The following TENM4 variants were observed in gnomAD, a reference collection of about 807,000 sequenced individuals.
TENM4 encodes teneurin transmembrane protein 4, also known as teneurin-4.
Under a neutral mutation model 243.3 loss-of-function variants are expected in TENM4, and 82 were observed. The observed-to-expected ratio is 0.34, with a 90% CI of 0.28 to 0.40. The LOEUF (loss-of-function observed/expected upper bound fraction) is 0.40. TENM4 is among the 10% of genes least tolerant of loss of function. The pLI is 1.00. For synonymous variants in TENM4, 1,412 were observed against 1,456.3 expected, an observed-to-expected ratio of 0.97 and a Z score of 0.69; for missense variants, 3,138 against 3,673.3, an observed-to-expected ratio of 0.85 and a Z score of 3.77.
At chr11:79,308,350 A>T (rs2135409076) in intron 1 of TENM4, among the ~76,000 whole-genome samples, 1 of 152,316 alleles carries the variant, frequency 6.6e-6, no homozygotes, top group African/African-American at 2.4e-5. Context: ...AGACAGTTAG[A>T]TTTTTCTTCC....
chr11:79,250,452 G>A (rs565710515), intron 2 of TENM4, among the ~76,000 whole-genome samples: 1 of 152,344 alleles, frequency 6.6e-6, no homozygotes, highest in African/African-American at 2.4e-5. Context: ...TCCTGCACCT[G>A]GGAATGATTA....
At chr11:78,745,474 C>T (rs1439085077) in intron 19 of TENM4, among the ~76,000 whole-genome samples, 1 of 151,930 alleles carries the variant, frequency 6.6e-6, no homozygotes, top group Non-Finnish European at 1.5e-5. Flanking sequence ...AAGTGACCCA[C>T]CTGCCTTGGC....
intron 2 of TENM4, among the ~76,000 whole-genome samples, chr11:79,290,908 T>C (rs770728625): frequency 6.6e-6 from 1 of 152,174 alleles, no homozygotes; most frequent in Non-Finnish European, 1.5e-5. Flanking sequence ...ATCCTGCTCA[T>C]TTAGAGCTGT....
In TENM4 at chr11:78,652,922, G is replaced by C. The variant is rs1429194249; in HGVS notation, c.*5136C>G. 6.6e-6 allele frequency: 1 copy of C among 152,240 alleles called. No homozygotes were observed. The highest frequency in any genetic ancestry group is 1.5e-5 in the Non-Finnish European group (1 of 68,042). The allele number at this position is 152,240 out of a possible 1,614,324, so 9.4% of individuals were successfully genotyped here. On this transcript the variant is annotated 3_prime_UTR_variant, in exon 34 of 34. Coordinates refer to ENST00000278550, the MANE Select transcript of TENM4 (RefSeq NM_001098816.3). ...TGGTGGATGACTCTGTGTGCCCAGT[G>C]GTGGAGCAAGGCTCCCTCCTCTGGG...
chr11:79,107,461 C>T (rs1464796493), intron 4 of TENM4, among the ~76,000 whole-genome samples: 1 of 152,182 alleles, frequency 6.6e-6, no homozygotes, highest in African/African-American at 2.4e-5. Flanking sequence ...GAAATATTTT[C>T]CTTCCTTGTC....
chr11:78,854,190 T>C lies in TENM4; in HGVS notation c.1595A>G (p.Gln532Arg). The change falls in exon 12 of 34, where the codon CAG (glutamine) becomes CGG (arginine). Residue 532 changes from glutamine (Q) to arginine (R), a missense_variant. By Grantham distance (43) the Gln-to-Arg change is conservative (BLOSUM62 1). Coordinates refer to ENST00000278550, the MANE Select transcript of TENM4 (RefSeq NM_001098816.3). ...GTGCCAGATTCCTGAATCCAAATAC[T>C]GGATGAAGCCTGTCTCATGGCTGGA... ...PPSSHETGFI[Q>R]YLDSGIWHLA... 2 of 1,551,694 alleles carry C rather than the reference T, an allele frequency of 1.3e-6. No homozygotes were observed. The highest frequency in any genetic ancestry group is 8.7e-7 in the Non-Finnish European group (1 of 1,146,974).
At chr11:78,910,289 T>C (rs535899092) in intron 6 of TENM4, among the ~76,000 whole-genome samples, 2 of 152,302 alleles carry the variant, frequency 1.3e-5, no homozygotes, top group African/African-American at 4.8e-5. Context: ...CTAAAGATTG[T>C]CAGATATGAA....
chr11:78,913,748 G>A (rs1856250495), intron 6 of TENM4, among the ~76,000 whole-genome samples: 1 of 152,092 alleles, frequency 6.6e-6, no homozygotes, highest in Non-Finnish European at 1.5e-5. Context: ...AACAGGGACG[G>A]CCATGCTGTG....
Position 79,115,259 on chromosome 11 carries a change from C to T in TENM4, c.-66+33451G>A, listed in dbSNP as rs550593461. On this transcript the variant is annotated intron_variant, in intron 4 of 33. Coordinates refer to ENST00000278550, the MANE Select transcript of TENM4 (RefSeq NM_001098816.3). ...TTTGCCATGCAGACACTTGGTGGGA[C>T]CATAAATAAGAAGCAACCTGCCCAG... Among the ~76,000 whole-genome samples, 59 of 152,116 alleles carry T rather than the reference C, an allele frequency of 3.9e-4. No individual in the cohort carries two copies. In the South Asian group the frequency reaches 0.011, roughly 29 times the overall value.
intron 1 of TENM4, among the ~76,000 whole-genome samples, chr11:79,301,712 G>T (rs746793492): frequency 2.0e-5 from 3 of 152,196 alleles, no homozygotes; most frequent in African/African-American, 7.2e-5. Context: ...GGATCGTGGG[G>T]TGGATTCTCA....
At chr11:79,133,619 C>A (rs10899596) in intron 4 of TENM4, among the ~76,000 whole-genome samples, 96,091 of 151,924 alleles carry the variant, frequency 0.63, 30,961 homozygotes, top group Middle Eastern at 0.79. Context: ...ACTAGCTAAC[C>A]AAATCCAACA....
intron 3 of TENM4, among the ~76,000 whole-genome samples, chr11:79,164,024 T>TAGTATATAGTATATATATAGTATA (rs200619665): frequency 5.7e-5 from 7 of 123,672 alleles, no homozygotes; most frequent in African/African-American, 2.2e-4. Flanking sequence ...ATATATAGTA[T>TAGTATATAGTATATATATAGTATA]GTATATAGTA....
intron 1 of TENM4, among the ~76,000 whole-genome samples, chr11:79,344,023 G>A (rs1379830145): frequency 2.6e-5 from 4 of 152,208 alleles, no homozygotes; most frequent in Non-Finnish European, 5.9e-5. Context: ...TCAGATATCA[G>A]TGTTTTCTCC....
chr11:79,236,343 T>C lies in TENM4; in HGVS notation c.-264-20434A>G, dbSNP rs147122450. 4.2e-3 allele frequency among the ~76,000 whole-genome samples: 634 copies of C among 152,316 alleles called. 7 individuals carry two copies. The highest frequency in any genetic ancestry group is 0.015 in the African/African-American group (607 of 41,582). On this transcript the variant is annotated intron_variant, in intron 2 of 33. Transcript: ENST00000278550. ...AAGTCTCCTGAATGCAATCTAAACT[T>C]TCCTTGATGGCTAAGGATCACGCAC...
chr11:79,323,192 C>T (rs1416212049), intron 1 of TENM4, among the ~76,000 whole-genome samples: 1 of 152,122 alleles, frequency 6.6e-6, no homozygotes, highest in African/African-American at 2.4e-5. Context: ...GTGTATGGGC[C>T]CCTCTTGAGG....
chr11:79,149,713 G>A (rs1862464912), intron 3 of TENM4, among the ~76,000 whole-genome samples: 1 of 152,134 alleles, frequency 6.6e-6, no homozygotes, highest in Non-Finnish European at 1.5e-5. Flanking sequence ...CTTAGAAAGA[G>A]TGTGCATTCT....
chr11:78,813,964 C>T (rs145376437), intron 13 of TENM4, among the ~76,000 whole-genome samples: 166 of 152,240 alleles, frequency 1.1e-3, no homozygotes, highest in African/African-American at 3.9e-3. Context: ...ACGATCATTG[C>T]TATAAGAGGA....
At chr11:79,226,580 G>A (rs1215548781) in intron 2 of TENM4, among the ~76,000 whole-genome samples, 3 of 152,136 alleles carry the variant, frequency 2.0e-5, no homozygotes, top group African/African-American at 7.2e-5. Context: ...TTGAGCCTCT[G>A]GGACAGCCAC....
At chr11:79,024,924 A>G (rs1235032600) in intron 6 of TENM4, among the ~76,000 whole-genome samples, 2 of 152,220 alleles carry the variant, frequency 1.3e-5, no homozygotes, top group Non-Finnish European at 2.9e-5. Flanking sequence ...TGTCACCAGC[A>G]TCTTAGAGAG....
Sources: gnomAD v4.1 joint callset for allele counts (sites outside exome capture counted in the v4.1 genomes callset) on GRCh38, gnomAD v4.1.1 for gene constraint, MANE v1.5 for transcripts, NCBI Gene and HGNC (gene_info 2026-07-23, HGNC 2026-07-21) for gene names.